TGFB2: variants seen among roughly 807,000 people sequenced by gnomAD.
The protein encoded by TGFB2 is transforming growth factor beta 2.
Under a neutral mutation model 42.7 loss-of-function variants are expected in TGFB2, and 13 were observed. The observed-to-expected ratio is 0.30, with a 90% confidence interval of 0.20 to 0.48. The LOEUF (loss-of-function observed/expected upper bound fraction) is 0.48, where lower values mean the gene tolerates loss of function less well. Among genes scored for constraint, TGFB2 ranks in the 20% least tolerant of loss-of-function variants. The probability of loss-of-function intolerance (pLI) is 0.99; values close to 1 mark genes in which losing one functional copy is unlikely to be tolerated. For synonymous variants in TGFB2, 193 were observed against 193.6 expected, an observed-to-expected ratio of 1.00 and a Z score of 0.03; for missense variants, 390 against 517.5, an observed-to-expected ratio of 0.75 and a Z score of 2.39.
intron 1 of TGFB2, among the ~76,000 whole-genome samples, chr1:218,383,000 A>C (rs1658016283): frequency 6.6e-6 from 1 of 152,246 alleles, no homozygotes; most frequent in South Asian, 2.1e-4. Flanking sequence ...AGATTGTTTT[A>C]TGACACTAGC....
chr1:218,433,264 A>C (rs1308797477), intron 2 of TGFB2, among the ~76,000 whole-genome samples: 1 of 152,032 alleles, frequency 6.6e-6, no homozygotes, highest in African/African-American at 2.4e-5. Context: ...ACAGGGTTTT[A>C]CCATGTTGGC....
chr1:218,369,991 C>T (rs1657520409), intron 1 of TGFB2, among the ~76,000 whole-genome samples: 1 of 152,198 alleles, frequency 6.6e-6, no homozygotes, highest in Non-Finnish European at 1.5e-5. Context: ...GTTATTTCTT[C>T]ATCCATCTGT....
chr1:218,438,831 G>A (rs553782434), intron 6 of TGFB2, among the ~76,000 whole-genome samples: 3 of 152,248 alleles, frequency 2.0e-5, no homozygotes, highest in Non-Finnish European at 2.9e-5. Context: ...ATTGGGGACC[G>A]GGCGCAGTGA....
intron 2 of TGFB2, among the ~76,000 whole-genome samples, chr1:218,431,892 G>T (rs1301814910): frequency 2.0e-5 from 3 of 152,160 alleles, no homozygotes; most frequent in African/African-American, 7.2e-5. Flanking sequence ...TATTTTCAAG[G>T]CAAGGTTTGA....
intron 1 of TGFB2, among the ~76,000 whole-genome samples, chr1:218,388,859 A>T (rs1658224211): frequency 6.6e-6 from 1 of 152,124 alleles, no homozygotes; most frequent in South Asian, 2.1e-4. Flanking sequence ...TGTTTGTTTT[A>T]ATGTTGCTGT....
intron 1 of TGFB2, among the ~76,000 whole-genome samples, chr1:218,386,567 T>C (rs73110352): frequency 0.039 from 6,005 of 152,302 alleles, 132 homozygotes; most frequent in African/African-American, 0.056. Flanking sequence ...GGCTCAAGCC[T>C]GCCCACAGGT....
intron 2 of TGFB2, among the ~76,000 whole-genome samples, chr1:218,433,377 T>C (rs534241683): frequency 2.6e-5 from 4 of 152,338 alleles, no homozygotes; most frequent in African/African-American, 9.6e-5. Context: ...GATAAATACA[T>C]CTTCCTAAAG....
chr1:218,423,972 A>C (rs1021948909), intron 2 of TGFB2, among the ~76,000 whole-genome samples: 1 of 152,232 alleles, frequency 6.6e-6, no homozygotes, highest in Non-Finnish European at 1.5e-5. Flanking sequence ...TCGCTACGCT[A>C]ATGATTTTCA....
intron 1 of TGFB2, among the ~76,000 whole-genome samples, chr1:218,400,168 C>G (rs888247023): frequency 6.6e-6 from 1 of 151,092 alleles, no homozygotes; most frequent in Non-Finnish European, 1.5e-5. Context: ...GGGCTAGCTA[C>G]AAAATTTGCA....
intron 1 of TGFB2, among the ~76,000 whole-genome samples, chr1:218,362,651 G>A (rs1383410833): frequency 6.6e-6 from 1 of 152,180 alleles, no homozygotes; most frequent in Non-Finnish European, 1.5e-5. Context: ...GAGATATTTT[G>A]TGGGGGAGGG....
intron 2 of TGFB2, among the ~76,000 whole-genome samples, chr1:218,415,050 C>G (rs905418517): frequency 1.3e-5 from 2 of 152,078 alleles, no homozygotes; most frequent in Non-Finnish European, 2.9e-5. Flanking sequence ...TTTGGGGAGT[C>G]TGAGGAAGTC....
chr1:218,400,828 A>C (rs1658689994), intron 1 of TGFB2, among the ~76,000 whole-genome samples: 1 of 151,986 alleles, frequency 6.6e-6, no homozygotes, highest in African/African-American at 2.4e-5. Flanking sequence ...TGGGTGGAGG[A>C]AAACAGTGGC....
At chr1:218,364,558 A>C (rs1657325742) in intron 1 of TGFB2, among the ~76,000 whole-genome samples, 1 of 152,100 alleles carries the variant, frequency 6.6e-6, no homozygotes, top group South Asian at 2.1e-4. Flanking sequence ...AGGCCCTGAG[A>C]AGGTTTGGAT....
chr1:218,381,312 G>A (rs1178342351), intron 1 of TGFB2, among the ~76,000 whole-genome samples: 1 of 147,714 alleles, frequency 6.8e-6, no homozygotes, highest in African/African-American at 2.5e-5. Context: ...CTGGATTGAA[G>A]TGGCACAGTC....
intron 1 of TGFB2, among the ~76,000 whole-genome samples, chr1:218,351,459 T>C (rs768202047): frequency 2.6e-5 from 4 of 152,218 alleles, no homozygotes; most frequent in Non-Finnish European, 2.9e-5. Flanking sequence ...CTAACTCTAG[T>C]GTCTAATTGT....
rs563657125 is a variant in TGFB2 at position 218,377,628 on chromosome 1, A to G, written c.347-27541A>G. 5.9e-5 allele frequency among the ~76,000 whole-genome samples: 9 copies of G among 152,264 alleles called. No individual in the cohort carries two copies. In the East Asian group the frequency reaches 1.7e-3, roughly 30 times the overall value. On this transcript the variant is annotated intron_variant, in intron 1 of 6. Transcript: ENST00000366930. ...CTTATGCTTCCTCAGCACAAAAATC[A>G]GAAATCCTACTCTTCTGCTGGTCGC...
At chr1:218,425,558 C>T (rs1422730528) in intron 2 of TGFB2, among the ~76,000 whole-genome samples, 1 of 152,016 alleles carries the variant, frequency 6.6e-6, no homozygotes, top group African/African-American at 2.4e-5. Context: ...GATGTTCATC[C>T]CACAAGATTT....
chr1:218,355,262 G>A (rs1164209130), intron 1 of TGFB2, among the ~76,000 whole-genome samples: 2 of 152,130 alleles, frequency 1.3e-5, no homozygotes, highest in Admixed American at 1.3e-4. Context: ...TTTATTGATA[G>A]GGCATTCCTA....
chr1:218,373,040 TG>T (rs147595589), intron 1 of TGFB2, among the ~76,000 whole-genome samples: 2,763 of 151,656 alleles, frequency 0.018, 104 homozygotes, highest in African/African-American at 0.063. Flanking sequence ...TAGCTAGGAG[TG>T]GTGGCACATG....
Sources: allele counts gnomAD v4.1 joint callset (sites outside exome capture counted in the v4.1 genomes callset), GRCh38; gene constraint gnomAD v4.1.1; transcripts MANE v1.5; gene names NCBI Gene and HGNC (gene_info 2026-07-23, HGNC 2026-07-21).